Variants in STEAP4 observed in about 807,000 individuals in gnomAD.
STEAP4 encodes STEAP4 metalloreductase.
STEAP4 carries 36 observed loss-of-function variants against 43.6 expected under a neutral mutation model. The observed-to-expected ratio is 0.83, with a 90% CI of 0.63 to 1.09. STEAP4 has a LOEUF of 1.09. Among genes scored for constraint, STEAP4 ranks in the 50% least tolerant of loss-of-function variants. The probability of loss-of-function intolerance (pLI) is 0.00; values close to 1 mark genes in which losing one functional copy is unlikely to be tolerated. For missense variants in STEAP4, 495 were observed against 546.5 expected (o/e 0.91, Z 0.94); for synonymous variants, 191 against 196.7 (o/e 0.97, Z 0.24).
chr7:88,280,699 C>T (rs1159137906), intron 4 of STEAP4, among the ~76,000 whole-genome samples: 3 of 152,156 alleles, frequency 2.0e-5, no homozygotes, highest in African/African-American at 4.8e-5. Context: ...CATCTCCACA[C>T]ATAAATTGTA....
intron 1 of STEAP4, among the ~76,000 whole-genome samples, chr7:88,286,634 T>A (rs996820731): frequency 1.3e-4 from 20 of 152,128 alleles, no homozygotes; most frequent in African/African-American, 4.8e-4. Flanking sequence ...TTGCTTGAAC[T>A]TGGGAGGTGG....
chr7:88,298,294 G>A (rs1337837773), intron 1 of STEAP4: 2 of 152,084 alleles, frequency 1.3e-5, no homozygotes, highest in African/African-American at 2.4e-5. Context: ...AACTGAGTGA[G>A]AATTGGAGAA....
At chr7:88,289,673 T>C (rs1357033567) in intron 1 of STEAP4, among the ~76,000 whole-genome samples, 2 of 152,134 alleles carry the variant, frequency 1.3e-5, no homozygotes, top group African/African-American at 4.8e-5. Context: ...CCACAGAAAC[T>C]CTGAATAATC....
intron 3 of STEAP4, 24 bp downstream of exon 3, chr7:88,282,617 G>T: frequency 6.3e-7 from 1 of 1,592,194 alleles, no homozygotes; most frequent in Non-Finnish European, 8.6e-7. Flanking sequence ...AGGAGCAGAA[G>T]AAAATATATA....
At chr7:88,288,876 T>G (rs1852786666) in intron 1 of STEAP4, among the ~76,000 whole-genome samples, 1 of 152,182 alleles carries the variant, frequency 6.6e-6, no homozygotes, top group Admixed American at 6.5e-5. Flanking sequence ...ATGAACCATG[T>G]GGCTGTAGAA....
At chr7:88,289,721 G>A (rs1422311917) in intron 1 of STEAP4, among the ~76,000 whole-genome samples, 1 of 152,134 alleles carries the variant, frequency 6.6e-6, no homozygotes, top group Non-Finnish European at 1.5e-5. Flanking sequence ...AAACAAACTG[G>A]CGACTGATAT....
In STEAP4 at chr7:88,306,865, G is replaced by C. The variant is rs1489852606; in HGVS notation, c.-76C>G. On this transcript the variant is annotated 5_prime_UTR_variant, in exon 1 of 5. Transcript: ENST00000380079. ...GCGCCGCGGGCCGGGCGGGTAGAGG[G>C]AAGTTTCGCCGCGCCTGCAGCTCAG... The C allele has an allele frequency of 2.0e-5, 3 of 152,480 alleles. No individual in the cohort carries two copies. Among genetic ancestry groups the C allele is most frequent in the Admixed American group, 2.0e-4 (3 of 15,306 alleles). The allele number at this position is 152,480 out of a possible 1,614,324, so 9.4% of individuals were successfully genotyped here.
At chr7:88,294,500 T>G (rs985493321) in intron 1 of STEAP4, among the ~76,000 whole-genome samples, 2 of 152,140 alleles carry the variant, frequency 1.3e-5, no homozygotes, top group African/African-American at 4.8e-5. Context: ...TAAAGTTATA[T>G]GATGGACTAT....
chr7:88,297,491 A>G (rs1002405195), intron 1 of STEAP4, among the ~76,000 whole-genome samples: 7 of 152,166 alleles, frequency 4.6e-5, no homozygotes, highest in African/African-American at 7.2e-5. Context: ...TTTAGCAAAT[A>G]AAAATACATA....
At chr7:88,284,818 C>T (rs1025367056) in intron 1 of STEAP4, among the ~76,000 whole-genome samples, 6 of 151,968 alleles carry the variant, frequency 3.9e-5, no homozygotes, top group Non-Finnish European at 8.8e-5. Flanking sequence ...GTTAAAAGGA[C>T]ATCTGTTAAA....
intron 1 of STEAP4, among the ~76,000 whole-genome samples, chr7:88,295,802 T>G (rs899102518): frequency 6.6e-6 from 1 of 152,190 alleles, no homozygotes; most frequent in Non-Finnish European, 1.5e-5. Flanking sequence ...TAAAGTTATC[T>G]TTTTCTTTTC....
intron 1 of STEAP4, among the ~76,000 whole-genome samples, chr7:88,290,667 C>T (rs537876668): frequency 1.3e-5 from 2 of 152,238 alleles, no homozygotes; most frequent in Non-Finnish European, 2.9e-5. Context: ...ATTGTGCAAC[C>T]CTTGCTGACA....
intron 1 of STEAP4, among the ~76,000 whole-genome samples, chr7:88,297,716 G>A (rs1402234807): frequency 2.6e-5 from 4 of 152,070 alleles, no homozygotes; most frequent in Non-Finnish European, 5.9e-5. Context: ...TTTCCAGGCA[G>A]GGGGGAAAGT....
intron 1 of STEAP4, among the ~76,000 whole-genome samples, chr7:88,289,658 C>A (rs754834154): frequency 3.9e-5 from 6 of 152,204 alleles, no homozygotes; most frequent in African/African-American, 7.2e-5. Flanking sequence ...GACATTCCTG[C>A]ACTCCCACAG....
Position 88,297,383 on chromosome 7 carries a change from T to C in STEAP4, c.-3+9409A>G, listed in dbSNP as rs557127095. Among the ~76,000 whole-genome samples the C allele has an allele frequency of 8.5e-5, 13 of 152,216 alleles. No individual in the cohort carries two copies. The South Asian group carries it at 1.4e-3, about 17-fold the overall frequency. ...AAGAATTCAGAGCAGAGTGATGGAATAGAAAATGTTGGGAGGAGACAGAGA... is the reference window on the plus strand; with the variant it reads ...AAGAATTCAGAGCAGAGTGATGGAACAGAAAATGTTGGGAGGAGACAGAGA... On this transcript the variant is annotated intron_variant, in intron 1 of 4. Transcript: ENST00000380079.
At chr7:88,298,509 A>ACACACACACC in intron 1 of STEAP4, among the ~76,000 whole-genome samples, 1 of 146,320 alleles carries the variant, frequency 6.8e-6, no homozygotes, top group South Asian at 2.2e-4. Context: ...ACACACACAC[A>ACACACACACC]CCTTTTACTC....
chr7:88,306,445 G>C (rs1263033205), intron 1 of STEAP4, among the ~76,000 whole-genome samples: 2 of 152,244 alleles, frequency 1.3e-5, no homozygotes, highest in African/African-American at 4.8e-5. Context: ...CTTGGAGACT[G>C]ACTGCTAAAG....
chr7:88,288,215 G>T (rs1445593103), intron 1 of STEAP4, among the ~76,000 whole-genome samples: 1 of 152,178 alleles, frequency 6.6e-6, no homozygotes, highest in African/African-American at 2.4e-5. Flanking sequence ...TCGTTGCCCA[G>T]GCTGGAGTGC....
At chr7:88,282,147 CTT>C (rs202221497) in intron 3 of STEAP4, 9 of 145,160 alleles carry the variant, frequency 6.2e-5, no homozygotes, top group South Asian at 2.2e-4. Context: ...TTTTTTCTTT[CTT>C]TTTTTTTTTT....
Sources: gnomAD v4.1 joint callset for allele counts (sites outside exome capture counted in the v4.1 genomes callset) on GRCh38, gnomAD v4.1.1 for gene constraint, MANE v1.5 for transcripts, NCBI Gene and HGNC (gene_info 2026-07-23, HGNC 2026-07-21) for gene names.